The following VPS54 variants were observed in gnomAD, a reference collection of about 807,000 sequenced individuals.
VPS54 encodes the protein VPS54 subunit of GARP complex.
In VPS54, 45 loss-of-function variants were observed where a neutral mutation model predicts 121.5. That is an observed-to-expected ratio of 0.37 (90% CI 0.29 to 0.47). The LOEUF is 0.47. Among genes scored for constraint, VPS54 ranks in the 20% least tolerant of loss-of-function variants. The probability of loss-of-function intolerance (pLI) is 0.99; values close to 1 mark genes in which losing one functional copy is unlikely to be tolerated. For synonymous variants in VPS54, 371 were observed against 385.8 expected (o/e 0.96, Z 0.45); for missense variants, 1,090 against 1,131.4 (o/e 0.96, Z 0.52).
intron 1 of VPS54, among the ~76,000 whole-genome samples, chr2:64,002,488 G>T (rs1224157818): frequency 6.6e-6 from 1 of 152,232 alleles, no homozygotes; most frequent in Middle Eastern, 3.4e-3. Flanking sequence ...TGTGGAAAAT[G>T]TATTTATGTT....
chr2:63,958,839 G>C (rs1006874450), intron 7 of VPS54, among the ~76,000 whole-genome samples: 1 of 152,174 alleles, frequency 6.6e-6, no homozygotes, highest in Non-Finnish European at 1.5e-5. Flanking sequence ...TCCTTTGCTT[G>C]TCCTACTGAA....
chr2:63,912,699 A>G lies in VPS54; in HGVS notation c.2423-38T>C, dbSNP rs774513878. 117 of 1,437,788 alleles carry G rather than the reference A, an allele frequency of 8.1e-5. No individual in the cohort carries two copies. In the East Asian group the frequency reaches 3.0e-3, roughly 36 times the overall value. The allele number at this position is 1,437,788 out of a possible 1,614,324, so 89.1% of individuals were successfully genotyped here. ...GGAGTAGATATATAATGGAGAAATAAAAAAAAAAAAGGTATTAGTTGATTT... is the reference window on the plus strand; with the variant it reads ...GGAGTAGATATATAATGGAGAAATAGAAAAAAAAAAGGTATTAGTTGATTT... On this transcript the variant is annotated intron_variant, in intron 18 of 22. Coordinates refer to ENST00000272322, the MANE Select transcript of VPS54 (RefSeq NM_016516.3).
At chr2:64,012,949 G>C (rs1361257972) in intron 1 of VPS54, among the ~76,000 whole-genome samples, 1 of 152,150 alleles carries the variant, frequency 6.6e-6, no homozygotes, top group African/African-American at 2.4e-5. Flanking sequence ...AAAAGTCAAA[G>C]AAGGTAATAA....
rs1675020124 is a variant in VPS54, at chr2:63,947,202, C to T, written c.1245+181G>A. Among the ~76,000 whole-genome samples, 4 of 151,910 alleles carry T rather than the reference C, an allele frequency of 2.6e-5. No homozygotes were observed. The South Asian group carries it at 8.3e-4, about 31-fold the overall frequency. On this transcript the variant is annotated intron_variant, in intron 9 of 22. Coordinates refer to ENST00000272322, the MANE Select transcript of VPS54 (RefSeq NM_016516.3). ...AAATCAGTCTACACGTGGAAATATT[C>T]CTATAGCAATAATCTTTTGGCTGGT...
rs1252227539 is a variant in VPS54, at chr2:63,933,752, C to T, written c.1660G>A (p.Glu554Lys). 13 of 1,613,710 alleles carry T rather than the reference C, an allele frequency of 8.1e-6. No individual in the cohort carries two copies. Among genetic ancestry groups the T allele is most frequent in the Admixed American group, 3.3e-5 (2 of 59,966 alleles). ...SEPCSSDSVS[E>K]PECTTDSSSS... Reference sequence around the variant, plus strand: ...GAAGAATCAGTAGTACATTCTGGCTCGGATACAGAATCACTGCTGCAGGGC... The same window carrying T: ...GAAGAATCAGTAGTACATTCTGGCTTGGATACAGAATCACTGCTGCAGGGC... Residue 554 changes from glutamate to lysine, a missense_variant, in exon 12 of 23, where the codon GAG becomes AAG. Around this residue, in one of 2 missense-constraint regions of VPS54, gnomAD observed 801 missense variants for 757.0 expected, o/e 1.06. Coordinates refer to ENST00000272322, the MANE Select transcript of VPS54 (RefSeq NM_016516.3).
intron 1 of VPS54, among the ~76,000 whole-genome samples, chr2:63,987,115 T>TG (rs1677089279): frequency 6.6e-6 from 1 of 152,202 alleles, no homozygotes; most frequent in Non-Finnish European, 1.5e-5. Flanking sequence ...CCTGTGCTTG[T>TG]GGGGTATTTA....
Position 64,014,279 on chromosome 2 carries a change from C to T in VPS54, c.-21+4659G>A, listed in dbSNP as rs945128328. Among the ~76,000 whole-genome samples, 4 of 152,214 alleles carry T rather than the reference C, an allele frequency of 2.6e-5. No homozygotes were observed. The East Asian group carries it at 5.8e-4, about 22-fold the overall frequency. On this transcript the variant is annotated intron_variant, in intron 1 of 22. Coordinates refer to ENST00000272322, the MANE Select transcript of VPS54 (RefSeq NM_016516.3). ...CCCAAAAGGGAATTAATCCAAATAA[C>T]GACAGCATACTCTTAAAAACACTAA...
intron 12 of VPS54, among the ~76,000 whole-genome samples, chr2:63,923,052 G>A (rs574522263): frequency 1.3e-5 from 2 of 152,162 alleles, no homozygotes; most frequent in South Asian, 2.1e-4. Context: ...GGTGGCTCAC[G>A]CCTGTAATCC....
intron 3 of VPS54, among the ~76,000 whole-genome samples, chr2:63,974,018 A>G (rs752096328): frequency 6.6e-6 from 1 of 152,216 alleles, no homozygotes; most frequent in Non-Finnish European, 1.5e-5. Flanking sequence ...CTAAAAAGCC[A>G]TTACCAAACC....
intron 20 of VPS54, among the ~76,000 whole-genome samples, chr2:63,904,438 CAAAAAAAAAAAAAAA>C (rs58651830): frequency 5.5e-4 from 11 of 19,936 alleles, no homozygotes; most frequent in East Asian, 4.1e-3. Flanking sequence ...GACTTGGTCT[CAAAAAAAAAAAAAAA>C]AAAAAAAAAA....
At chr2:63,944,457 C>A in intron 10 of VPS54, 143 bp downstream of exon 10, 1 of 802,000 alleles carries the variant, frequency 1.2e-6, no homozygotes, top group Admixed American at 2.8e-5. Flanking sequence ...TGTCTTCGTT[C>A]CACACTGTCA....
At chr2:64,007,853 A>T (rs537610571) in intron 1 of VPS54, among the ~76,000 whole-genome samples, 1 of 152,318 alleles carries the variant, frequency 6.6e-6, no homozygotes, top group South Asian at 2.1e-4. Context: ...TAGCATCAAC[A>T]TGCTGCAAAG....
At chr2:63,996,199 T>C (rs1677580764) in intron 1 of VPS54, among the ~76,000 whole-genome samples, 1 of 152,202 alleles carries the variant, frequency 6.6e-6, no homozygotes, top group Non-Finnish European at 1.5e-5. Flanking sequence ...ACATAAATTG[T>C]GAAGATTTCA....
chr2:63,982,105 T>C (rs1384684441), intron 2 of VPS54, among the ~76,000 whole-genome samples: 2 of 152,198 alleles, frequency 1.3e-5, no homozygotes, highest in African/African-American at 2.4e-5. Flanking sequence ...ATAAAAGATA[T>C]GCAAAATTTG....
chr2:63,896,363 G>T (rs535622804), intron 22 of VPS54, among the ~76,000 whole-genome samples: 1 of 152,252 alleles, frequency 6.6e-6, no homozygotes, highest in South Asian at 2.1e-4. Flanking sequence ...GTGGGAGGGA[G>T]AAGGAGCAAA....
intron 6 of VPS54, among the ~76,000 whole-genome samples, chr2:63,964,063 ATTTC>A (rs987757303): frequency 2.0e-5 from 3 of 152,278 alleles, no homozygotes; most frequent in East Asian, 1.9e-4. Context: ...TAGAATACAA[ATTTC>A]TTTAATTCTA....
intron 1 of VPS54, among the ~76,000 whole-genome samples, chr2:64,008,231 G>A (rs1359567726): frequency 6.6e-6 from 1 of 152,010 alleles, no homozygotes; most frequent in African/African-American, 2.4e-5. Flanking sequence ...TAGCCAACGT[G>A]GTGAAACCCC....
chr2:63,899,880 G>C (rs971753170), intron 20 of VPS54, among the ~76,000 whole-genome samples: 1 of 152,140 alleles, frequency 6.6e-6, no homozygotes, highest in African/African-American at 2.4e-5. Context: ...TAAGCTAGGT[G>C]ATGTTGGGCA....
At chr2:63,900,220 C>CAAAAAAAA (rs70965149) in intron 20 of VPS54, among the ~76,000 whole-genome samples, 5 of 63,378 alleles carry the variant, frequency 7.9e-5, no homozygotes, top group Admixed American at 2.3e-4. Context: ...AACTCTGTCT[C>CAAAAAAAA]AAAAAAAAAA....
Sources: allele counts gnomAD v4.1 joint callset (sites outside exome capture counted in the v4.1 genomes callset), GRCh38; gene constraint gnomAD v4.1.1; regional missense constraint gnomAD v4.1.1; transcripts MANE v1.5; gene names NCBI Gene and HGNC (gene_info 2026-07-23, HGNC 2026-07-21).